The following DYRK1A variants were observed in gnomAD, a reference collection of about 807,000 sequenced individuals.
DYRK1A encodes the protein dual specificity tyrosine phosphorylation regulated kinase 1A.
Under a neutral mutation model 79.7 loss-of-function variants are expected in DYRK1A, and 9 were observed. The observed-to-expected ratio is 0.11, with a 90% CI of 0.07 to 0.20. DYRK1A has a LOEUF of 0.20. Among genes scored for constraint, DYRK1A ranks in the 10% least tolerant of loss-of-function variants. DYRK1A has a pLI of 1.00. For missense variants in DYRK1A, 622 were observed against 956.0 expected, an observed-to-expected ratio of 0.65 and a Z score of 4.61; for synonymous variants, 349 against 329.7, an observed-to-expected ratio of 1.06 and a Z score of -0.63.
At chr21:37,433,444 C>T (rs2050833775) in intron 2 of DYRK1A, among the ~76,000 whole-genome samples, 1 of 152,106 alleles carries the variant, frequency 6.6e-6, no homozygotes, top group Admixed American at 6.5e-5. Context: ...GGAATAAGAA[C>T]CTGGGAGAAC....
In DYRK1A at chr21:37,517,893, T is replaced by C. The variant is rs779880245; in HGVS notation, c.*5362T>C. ...CATGAAACGGCTAAGTTTTTTTTAA[T>C]GTTACTTCTTTAATTTTAGAGACGG... On this transcript the variant is annotated 3_prime_UTR_variant, in exon 12 of 12. Transcript: ENST00000647188. 1 of 152,198 alleles carries C rather than the reference T, an allele frequency of 6.6e-6. No individual in the cohort carries two copies. The highest frequency in any genetic ancestry group is 1.5e-5 in the Non-Finnish European group (1 of 68,034). 9.4% of individuals were successfully genotyped at this position (152,198 alleles called of 1,614,324 possible).
chr21:37,414,593 T>C (rs911516205), intron 1 of DYRK1A, among the ~76,000 whole-genome samples: 1 of 152,180 alleles, frequency 6.6e-6, no homozygotes, highest in Non-Finnish European at 1.5e-5. Context: ...TTATAAAAGT[T>C]GGCTTTACAT....
intron 2 of DYRK1A, among the ~76,000 whole-genome samples, chr21:37,470,292 A>G (rs2052178509): frequency 6.6e-6 from 1 of 152,174 alleles, no homozygotes; most frequent in Non-Finnish European, 1.5e-5. Flanking sequence ...GTTTCGTGAC[A>G]CAGATTGATT....
chr21:37,402,494 C>G (rs1406275386), intron 1 of DYRK1A, among the ~76,000 whole-genome samples: 2 of 152,154 alleles, frequency 1.3e-5, no homozygotes, highest in Admixed American at 6.5e-5. Flanking sequence ...TTTATTCCCT[C>G]GATATACCAG....
chr21:37,491,549 G>A (rs1435935102), intron 7 of DYRK1A, among the ~76,000 whole-genome samples: 1 of 152,110 alleles, frequency 6.6e-6, no homozygotes, highest in Non-Finnish European at 1.5e-5. Context: ...AGGATTTATA[G>A]CCAATTAATA....
chr21:37,478,407 A>G, intron 4 of DYRK1A, 107 bp downstream of exon 4: 1 of 823,738 alleles, frequency 1.2e-6, no homozygotes. Flanking sequence ...TAGTTGTCAT[A>G]TTGATGATTA....
chr21:37,409,621 C>A (rs1026032416), intron 1 of DYRK1A, among the ~76,000 whole-genome samples: 3 of 151,912 alleles, frequency 2.0e-5, no homozygotes, highest in African/African-American at 7.3e-5. Context: ...ATTTCTTGGA[C>A]CATTTTTTTC....
At chr21:37,470,189 G>T (rs892361911) in intron 2 of DYRK1A, among the ~76,000 whole-genome samples, 5 of 152,084 alleles carry the variant, frequency 3.3e-5, no homozygotes, top group African/African-American at 1.2e-4. Flanking sequence ...GGTCAGGATA[G>T]TAGTAACTTT....
intron 1 of DYRK1A, among the ~76,000 whole-genome samples, chr21:37,414,587 A>G (rs2050302239): frequency 6.6e-6 from 1 of 152,186 alleles, no homozygotes; most frequent in Non-Finnish European, 1.5e-5. Flanking sequence ...CCCGCCTTAT[A>G]AAAGTTGGCT....
In DYRK1A at chr21:37,511,897, A is replaced by G. The variant is rs756258991; in HGVS notation, c.1645-14A>G. On this transcript the variant is annotated splice_polypyrimidine_tract_variant and intron_variant, in intron 11 of 11. Coordinates refer to ENST00000647188, the MANE Select transcript of DYRK1A (RefSeq NM_001347721.2). ...AGTCCTCTGAAAAATCCTTTTAAAA[A>G]TCTGTTCTTTCAGGTGCGTCAGCAA... is the stretch of plus-strand genomic sequence containing the variant. The G allele has an allele frequency of 1.2e-6, 2 of 1,604,372 alleles. No individual in the cohort carries two copies. The highest frequency in any genetic ancestry group is 2.2e-5 in the South Asian group (2 of 90,472).
intron 8 of DYRK1A, 105 bp downstream of exon 8, chr21:37,493,268 A>T: frequency 8.9e-7 from 1 of 1,129,742 alleles, no homozygotes; most frequent in Non-Finnish European, 1.3e-6. Flanking sequence ...ATGTCTACTT[A>T]ATCATTCAAA....
Position 37,447,719 on chromosome 21 carries a change from A to G in DYRK1A, c.11-24965A>G, listed in dbSNP as rs2051318509. Among the ~76,000 whole-genome samples the G allele has an allele frequency of 2.0e-5, 3 of 152,280 alleles. No individual in the cohort carries two copies. In the South Asian group the frequency reaches 6.2e-4, roughly 32 times the overall value. ...CTGCAGACTTAGAAAAGAAGGCTTG[A>G]GTTGGCGAGCTGATGGACATGGCAG... On this transcript the variant is annotated intron_variant, in intron 2 of 11. Transcript: ENST00000647188.
intron 2 of DYRK1A, among the ~76,000 whole-genome samples, chr21:37,452,553 CTTTTCTATAGCAGTG>C (rs1569335218): frequency 6.6e-6 from 1 of 152,078 alleles, no homozygotes; most frequent in Non-Finnish European, 1.5e-5. Context: ...GCTTTGGAAT[CTTTTCTATAGCAGTG>C]AGTGCTCCAG....
chr21:37,458,289 T>TGTGTGA (rs1428613651), intron 2 of DYRK1A, among the ~76,000 whole-genome samples: 1 of 151,574 alleles, frequency 6.6e-6, no homozygotes, highest in Non-Finnish European at 1.5e-5. Flanking sequence ...TGTGTGTGTG[T>TGTGTGA]GTGTGTGTGT....
At chr21:37,472,258 G>A (rs760417616) in intron 2 of DYRK1A, among the ~76,000 whole-genome samples, 5 of 152,206 alleles carry the variant, frequency 3.3e-5, no homozygotes, top group African/African-American at 9.6e-5. Context: ...GTTGTTTGCC[G>A]TAAACCTGGC....
chr21:37,502,359 G>C (rs1005776317), intron 9 of DYRK1A: 3 of 151,882 alleles, frequency 2.0e-5, no homozygotes, highest in African/African-American at 7.3e-5. Context: ...TTTGCGGGGA[G>C]GTTTGTTGAA....
intron 1 of DYRK1A, among the ~76,000 whole-genome samples, chr21:37,391,925 A>G (rs2049878312): frequency 6.6e-6 from 1 of 152,214 alleles, no homozygotes; most frequent in African/African-American, 2.4e-5. Context: ...AAACAAACAT[A>G]CAGATCCTCT....
rs1240334378 is a variant in DYRK1A at position 37,512,040 on chromosome 21, C to T, written c.1774C>T (p.His592Tyr). 1 of 1,614,158 alleles carries T rather than the reference C, an allele frequency of 6.2e-7. No homozygotes were observed. Among genetic ancestry groups the T allele is most frequent in the Admixed American group, 1.7e-5 (1 of 60,002 alleles). Residue 592 changes from histidine (H) to tyrosine (Y), a missense_variant, in exon 12 of 12, where the codon CAC (histidine) becomes TAC (tyrosine). By Grantham distance (83) the His-to-Tyr change is moderately conservative (BLOSUM62 2). This residue lies in a region of DYRK1A where 292 missense variants were observed against 316.7 expected (regional missense o/e 0.92). Coordinates refer to ENST00000647188, the MANE Select transcript of DYRK1A (RefSeq NM_001347721.2). Reference protein sequence around the residue: ...VAPQQNALHHHHGNSSHHHHH... With the variant: ...VAPQQNALHHYHGNSSHHHHH... ...CCCTCAACAGAATGCATTGCATCAT[C>T]ACCATGGTAACAGTTCCCATCACCA...
chr21:37,414,845 G>A (rs886574337), intron 1 of DYRK1A, among the ~76,000 whole-genome samples: 9 of 152,170 alleles, frequency 5.9e-5, no homozygotes, highest in Non-Finnish European at 1.0e-4. Flanking sequence ...ATACAAACCT[G>A]TGCAAATCAT....
Sources: allele counts gnomAD v4.1 joint callset (sites outside exome capture counted in the v4.1 genomes callset), GRCh38; gene constraint gnomAD v4.1.1; regional missense constraint gnomAD v4.1.1; transcripts MANE v1.5; gene names NCBI Gene and HGNC (gene_info 2026-07-23, HGNC 2026-07-21).